The following ITGA6 variants were observed in gnomAD, a reference collection of about 807,000 sequenced individuals.
The protein encoded by ITGA6 is integrin alpha-6.
A neutral mutation model predicts 133.6 loss-of-function variants in ITGA6; 63 were observed. The ratio of observed to expected loss-of-function variants is 0.47; its 90% CI spans 0.38 to 0.58. The LOEUF (loss-of-function observed/expected upper bound fraction) is 0.58, where lower values mean the gene tolerates loss of function less well. Ranked by LOEUF, ITGA6 falls within the 20% of genes least tolerant of loss-of-function variation. The pLI, the probability that ITGA6 is intolerant of heterozygous loss-of-function variation, is 0.00. For synonymous variants in ITGA6, 434 were observed against 482.0 expected (o/e 0.90, Z 1.30); for missense variants, 1,068 against 1,309.4 (o/e 0.82, Z 2.85).
intron 1 of ITGA6, among the ~76,000 whole-genome samples, chr2:172,449,545 G>T (rs141773046): frequency 6.6e-6 from 1 of 152,134 alleles, no homozygotes; most frequent in African/African-American, 2.4e-5. Context: ...TGACTTTCAC[G>T]ATCTCAGGTA....
chr2:172,503,575 G>C (rs1307346569), intron 25 of ITGA6: 1 of 152,228 alleles, frequency 6.6e-6, no homozygotes, highest in Non-Finnish European at 1.5e-5. Flanking sequence ...ATGTGTACTA[G>C]AGCCTCAGAG....
rs1337104316 is a variant in ITGA6 at position 172,487,325 on chromosome 2, G to C, written c.2032G>C (p.Val678Leu). The C allele has an allele frequency of 1.9e-6, 3 of 1,614,006 alleles. No homozygotes were observed. The African/African-American group carries it at 4.0e-5, about 22-fold the overall frequency. Reference protein sequence around the residue: ...DQKDIALEITVTNSPSNPRNP... With the variant: ...DQKDIALEITLTNSPSNPRNP... ...GAAGGATATTGCTTTAGAAATAACAGTGACAAACAGCCCTTCCAACCCAAG... is the reference window on the plus strand; with the variant it reads ...GAAGGATATTGCTTTAGAAATAACACTGACAAACAGCCCTTCCAACCCAAG... Residue 678 changes from valine (V) to leucine (L), a missense_variant, in exon 15 of 26, where the codon GTG becomes CTG. Physicochemically the swap from Val to Leu is conservative, Grantham distance 32. Coordinates refer to ENST00000684293, the MANE Select transcript of ITGA6 (RefSeq NM_000210.4).
intron 23 of ITGA6, chr2:172,495,444 CT>C (rs1008988034): frequency 3.9e-5 from 6 of 152,216 alleles, no homozygotes; most frequent in African/African-American, 1.4e-4. Flanking sequence ...ACAGCCCACC[CT>C]TTGTCTTCCA....
chr2:172,482,566 G>A (rs1464700601), intron 11 of ITGA6, among the ~76,000 whole-genome samples: 2 of 152,112 alleles, frequency 1.3e-5, no homozygotes, highest in African/African-American at 2.4e-5. Flanking sequence ...GAAGGTTAGA[G>A]TGAATTTGGC....
rs1687475087 is a variant in ITGA6 at position 172,504,372 on chromosome 2, A to G, written c.*304A>G. 2.9e-6 allele frequency: 2 copies of G among 687,422 alleles called. No homozygotes were observed. The highest frequency in any genetic ancestry group is 4.9e-5 in the South Asian group (2 of 41,152). The allele number at this position is 687,422 out of a possible 1,614,324, so 42.6% of individuals were successfully genotyped here. A position where few individuals can be genotyped will look rare whatever the true frequency, so the allele number is the denominator to read the frequency against. On this transcript the variant is annotated 3_prime_UTR_variant, in exon 26 of 26. Coordinates refer to ENST00000684293, the MANE Select transcript of ITGA6 (RefSeq NM_000210.4). Reference sequence around the variant, plus strand: ...GACTGATTTCAGAGTGACTACACACAGTACGAACCTACAGTTTTAACTGTG... The same window carrying G: ...GACTGATTTCAGAGTGACTACACACGGTACGAACCTACAGTTTTAACTGTG...
At chr2:172,461,984 T>C (rs1685444431) in intron 1 of ITGA6, among the ~76,000 whole-genome samples, 1 of 152,212 alleles carries the variant, frequency 6.6e-6, no homozygotes, top group Non-Finnish European at 1.5e-5. Flanking sequence ...CCTCAGCTAA[T>C]GGGCTGTGAT....
At chr2:172,437,370 A>T (rs1684364678) in intron 1 of ITGA6, among the ~76,000 whole-genome samples, 1 of 152,232 alleles carries the variant, frequency 6.6e-6, no homozygotes, top group South Asian at 2.1e-4. Context: ...TATAGTAAAA[A>T]GTGCTTGGAT....
rs763078142 is a variant in ITGA6, at chr2:172,504,261, TAA to T, written c.*203_*204del. The T allele has an allele frequency of 2.8e-4, 334 of 1,201,976 alleles. No individual in the cohort carries two copies. The highest frequency in any genetic ancestry group is 3.9e-4 in the South Asian group (24 of 61,110). 74.5% of individuals were successfully genotyped at this position (1,201,976 alleles called of 1,614,324 possible). A position where few individuals can be genotyped will look rare whatever the true frequency, so the allele number is the denominator to read the frequency against. On this transcript the variant is annotated 3_prime_UTR_variant, in exon 26 of 26. Transcript: ENST00000684293. The stretch of plus-strand genomic sequence containing the variant: ...ATGAAAGCTACTCATAGCGGGGGCC[TAA>T]AAAAAAAAAGCTTCACAGTACCCAA...
At chr2:172,478,014 G>T (rs1686252106) in intron 9 of ITGA6, among the ~76,000 whole-genome samples, 1 of 152,096 alleles carries the variant, frequency 6.6e-6, no homozygotes, top group Admixed American at 6.6e-5. Context: ...CCTCAAAATT[G>T]TGTGTTGTAT....
intron 5 of ITGA6, among the ~76,000 whole-genome samples, chr2:172,472,060 G>A (rs1300193312): frequency 2.0e-5 from 3 of 152,214 alleles, no homozygotes; most frequent in African/African-American, 7.2e-5. Context: ...GGTGGCTCAC[G>A]CCTATAATCC....
chr2:172,437,209 G>A (rs1398577419), intron 1 of ITGA6, among the ~76,000 whole-genome samples: 1 of 152,262 alleles, frequency 6.6e-6, no homozygotes, highest in Non-Finnish European at 1.5e-5. Flanking sequence ...AGTAGGACAT[G>A]TCCTCACTTG....
At chr2:172,471,419 G>A (rs531788649) in intron 5 of ITGA6, among the ~76,000 whole-genome samples, 3 of 152,316 alleles carry the variant, frequency 2.0e-5, no homozygotes, top group Admixed American at 1.3e-4. Context: ...GAAACAGGCC[G>A]CTCATGCAGC....
At chr2:172,493,362 C>T (rs1348151272) in intron 23 of ITGA6, among the ~76,000 whole-genome samples, 1 of 152,160 alleles carries the variant, frequency 6.6e-6, no homozygotes, top group Non-Finnish European at 1.5e-5. Flanking sequence ...CCTTTCTCTG[C>T]ATCTATAAAG....
chr2:172,458,009 G>T (rs1685283423), intron 1 of ITGA6, among the ~76,000 whole-genome samples: 1 of 151,982 alleles, frequency 6.6e-6, no homozygotes, highest in South Asian at 2.1e-4. Flanking sequence ...GGTAAAGCAG[G>T]GACTAGGAGA....
upstream of ITGA6, chr2:172,427,400 C>T: frequency 9.8e-7 from 1 of 1,019,064 alleles, no homozygotes; most frequent in Non-Finnish European, 1.2e-6. Flanking sequence ...TCGCCGCGAG[C>T]TCGCCTCCGG....
At chr2:172,482,081 T>C (rs1310258235) in intron 11 of ITGA6, among the ~76,000 whole-genome samples, 1 of 152,194 alleles carries the variant, frequency 6.6e-6, no homozygotes, top group Non-Finnish European at 1.5e-5. Context: ...ATGTGAAATA[T>C]CATCAGAGCA....
intron 1 of ITGA6, among the ~76,000 whole-genome samples, chr2:172,446,315 C>T (rs1020240389): frequency 2.6e-5 from 4 of 152,106 alleles, no homozygotes; most frequent in East Asian, 1.9e-4. Context: ...AATTTAAAGT[C>T]GCTTTTTCCT....
intron 9 of ITGA6, among the ~76,000 whole-genome samples, chr2:172,478,749 G>T (rs1393593303): frequency 2.0e-5 from 3 of 152,140 alleles, no homozygotes; most frequent in African/African-American, 7.2e-5. Context: ...AGATATCGTG[G>T]GGGTAGAAAA....
intron 23 of ITGA6, among the ~76,000 whole-genome samples, chr2:172,493,842 TG>T (rs1187273951): frequency 6.6e-6 from 1 of 152,184 alleles, no homozygotes; most frequent in Non-Finnish European, 1.5e-5. Flanking sequence ...GATGGAACTC[TG>T]GGGGCCCTGG....
Sources: allele counts gnomAD v4.1 joint callset (sites outside exome capture counted in the v4.1 genomes callset), GRCh38; gene constraint gnomAD v4.1.1; transcripts MANE v1.5; gene names NCBI Gene and HGNC (gene_info 2026-07-23, HGNC 2026-07-21).